PTPRD: variants seen among roughly 807,000 people sequenced by gnomAD.
PTPRD encodes receptor-type tyrosine-protein phosphatase delta.
In PTPRD, 34 loss-of-function variants were observed where a neutral mutation model predicts 214.5. The ratio of observed to expected loss-of-function variants is 0.16; its 90% CI spans 0.12 to 0.21. PTPRD has a LOEUF of 0.21. Among genes scored for constraint, PTPRD ranks in the 10% least tolerant of loss-of-function variants. PTPRD has a pLI of 1.00. For missense variants in PTPRD, 2,545 were observed against 2,398.7 expected, an observed-to-expected ratio of 1.06 and a Z score of -1.27; for synonymous variants, 1,128 against 845.7, an observed-to-expected ratio of 1.33 and a Z score of -5.79.
intron 39 of PTPRD, among the ~76,000 whole-genome samples, chr9:8,373,848 G>C (rs973532661): frequency 2.1e-4 from 24 of 115,560 alleles, no homozygotes; most frequent in African/African-American, 5.8e-4. Context: ...ATGTATGTAT[G>C]TGTATGTGTC....
At chr9:8,691,086 G>A (rs963173726) in intron 12 of PTPRD, among the ~76,000 whole-genome samples, 1 of 152,088 alleles carries the variant, frequency 6.6e-6, no homozygotes, top group Admixed American at 6.5e-5. Context: ...AGAATGAGAA[G>A]AAAGGAGTTC....
intron 12 of PTPRD, among the ~76,000 whole-genome samples, chr9:8,677,068 C>G (rs540799353): frequency 1.3e-5 from 2 of 152,110 alleles, no homozygotes; most frequent in Admixed American, 1.3e-4. Flanking sequence ...TTTTAAATGG[C>G]TTGCATACCT....
intron 5 of PTPRD, among the ~76,000 whole-genome samples, chr9:9,923,968 T>C (rs2083413584): frequency 6.6e-6 from 1 of 151,948 alleles, no homozygotes; most frequent in Non-Finnish European, 1.5e-5. Context: ...TCTAAACATA[T>C]GAAGGATGGA....
chr9:10,516,087 T>C (rs1278535511), intron 2 of PTPRD, among the ~76,000 whole-genome samples: 3 of 151,936 alleles, frequency 2.0e-5, no homozygotes, highest in Non-Finnish European at 4.4e-5. Flanking sequence ...TTTGAACAAA[T>C]ATCCAAAAAT....
intron 14 of PTPRD, among the ~76,000 whole-genome samples, chr9:8,588,706 T>C (rs992258541): frequency 2.6e-5 from 4 of 152,182 alleles, no homozygotes; most frequent in African/African-American, 9.6e-5. Flanking sequence ...AGATAATACA[T>C]GTATCAGATA....
At chr9:9,824,242 A>G (rs1478710281) in intron 5 of PTPRD, among the ~76,000 whole-genome samples, 2 of 151,986 alleles carry the variant, frequency 1.3e-5, no homozygotes, top group African/African-American at 4.8e-5. Flanking sequence ...GATTAGAAAT[A>G]CTCAACCTGC....
At chr9:10,597,727 T>G (rs938166066) in intron 2 of PTPRD, among the ~76,000 whole-genome samples, 9 of 151,786 alleles carry the variant, frequency 5.9e-5, no homozygotes, top group African/African-American at 1.9e-4. Flanking sequence ...ATTAGAAAAA[T>G]TAAAGCTACA....
At chr9:8,900,785 A>G (rs924798662) in intron 11 of PTPRD, among the ~76,000 whole-genome samples, 2 of 152,204 alleles carry the variant, frequency 1.3e-5, no homozygotes, top group African/African-American at 4.8e-5. Context: ...AATGGTCCCA[A>G]AGAATTTAGG....
chr9:9,884,210 G>A (rs1015455222), intron 5 of PTPRD, among the ~76,000 whole-genome samples: 1 of 152,032 alleles, frequency 6.6e-6, no homozygotes, highest in Admixed American at 6.6e-5. Context: ...ACTGTGTTCA[G>A]GGCACCAACA....
At chr9:10,163,383 T>C (rs1398224832) in intron 3 of PTPRD, among the ~76,000 whole-genome samples, 1 of 151,392 alleles carries the variant, frequency 6.6e-6, no homozygotes, top group Non-Finnish European at 1.5e-5. Flanking sequence ...AAAACCATCC[T>C]TTAACTGTTA....
chr9:10,165,382 T>C (rs1325283348), intron 3 of PTPRD, among the ~76,000 whole-genome samples: 1 of 151,770 alleles, frequency 6.6e-6, no homozygotes, highest in Non-Finnish European at 1.5e-5. Flanking sequence ...CCAAAACTTG[T>C]TAACTTGCAG....
At chr9:10,371,807 T>C (rs959809797) in intron 2 of PTPRD, among the ~76,000 whole-genome samples, 3 of 152,100 alleles carry the variant, frequency 2.0e-5, no homozygotes, top group Non-Finnish European at 4.4e-5. Flanking sequence ...TCTTGGAATA[T>C]TTTGGGAGCA....
chr9:9,138,865 C>A (rs745995115), intron 10 of PTPRD, among the ~76,000 whole-genome samples: 5 of 151,926 alleles, frequency 3.3e-5, no homozygotes, highest in Non-Finnish European at 5.9e-5. Flanking sequence ...TGCTACCATT[C>A]TAGGCTAAAA....
intron 8 of PTPRD, among the ~76,000 whole-genome samples, chr9:9,537,720 A>G (rs2076802445): frequency 6.6e-6 from 1 of 151,822 alleles, no homozygotes; most frequent in Non-Finnish European, 1.5e-5. Context: ...TTTCTCACAA[A>G]CCTCACTGTT....
At chr9:8,453,354 T>C (rs573100287) in intron 33 of PTPRD, among the ~76,000 whole-genome samples, 55 of 152,034 alleles carry the variant, frequency 3.6e-4, no homozygotes, top group Admixed American at 1.8e-3. Flanking sequence ...TTAGTAGAGA[T>C]GTGGTTTCGC....
intron 10 of PTPRD, among the ~76,000 whole-genome samples, chr9:9,103,252 G>T (rs1392208256): frequency 6.6e-6 from 1 of 151,830 alleles, no homozygotes; most frequent in Non-Finnish European, 1.5e-5. Flanking sequence ...AAGGGATTAA[G>T]GGAACTCCTT....
At chr9:9,287,958 T>C (rs1322043293) in intron 9 of PTPRD, among the ~76,000 whole-genome samples, 5 of 151,780 alleles carry the variant, frequency 3.3e-5, no homozygotes, top group African/African-American at 1.2e-4. Flanking sequence ...CCCATCTGCT[T>C]TCCAAACACT....
At chr9:8,634,318 G>C (rs1388344284) in intron 13 of PTPRD, among the ~76,000 whole-genome samples, 1 of 151,566 alleles carries the variant, frequency 6.6e-6, no homozygotes, top group Non-Finnish European at 1.5e-5. Context: ...TAACTATGCT[G>C]CATTCCTTCA....
At chr9:10,124,209 T>C (rs1467213778) in intron 3 of PTPRD, among the ~76,000 whole-genome samples, 2 of 152,218 alleles carry the variant, frequency 1.3e-5, no homozygotes, top group African/African-American at 4.8e-5. Flanking sequence ...GCATTTTTAA[T>C]ATAATTAAAA....
Sources: allele counts gnomAD v4.1 joint callset (sites outside exome capture counted in the v4.1 genomes callset), GRCh38; gene constraint gnomAD v4.1.1; transcripts MANE v1.5; gene names NCBI Gene and HGNC (gene_info 2026-07-23, HGNC 2026-07-21).